Variants in POC5 observed in about 807,000 individuals in gnomAD.
POC5 encodes the protein POC5 centriolar protein, also known as centrosomal protein POC5.
A neutral mutation model predicts 62.9 loss-of-function variants in POC5; 48 were observed. That is an observed-to-expected ratio of 0.76 (90% CI 0.61 to 0.97). POC5 has a LOEUF of 0.97. POC5 is among the 50% of genes least tolerant of loss of function. The pLI is 0.00. For missense variants in POC5, 696 were observed against 679.5 expected (o/e 1.02, Z -0.27); for synonymous variants, 236 against 228.2 (o/e 1.03, Z -0.31).
intron 5 of POC5, 79 bp from the exon 6 acceptor site, chr5:75,694,910 A>G (rs561955172): frequency 7.7e-6 from 8 of 1,041,348 alleles, no homozygotes; most frequent in East Asian, 7.6e-5. Flanking sequence ...ATAAAGAAAC[A>G]TTAAAAAAAT....
chr5:75,716,814 G>A (rs1742606620), intron 1 of POC5, among the ~76,000 whole-genome samples: 1 of 152,212 alleles, frequency 6.6e-6, no homozygotes, highest in African/African-American at 2.4e-5. Context: ...AAGAGGCAAA[G>A]GAAGAGCGAA....
intron 1 of POC5, among the ~76,000 whole-genome samples, chr5:75,715,040 C>T (rs890982575): frequency 3.3e-5 from 5 of 151,886 alleles, no homozygotes; most frequent in African/African-American, 9.7e-5. Flanking sequence ...AGGCCGGGCA[C>T]GGTGGCTCAT....
chr5:75,704,452 G>A (rs1777040331), intron 4 of POC5, among the ~76,000 whole-genome samples: 1 of 152,126 alleles, frequency 6.6e-6, no homozygotes, highest in Admixed American at 6.5e-5. Context: ...TCCCTAACAT[G>A]TGTGTTTGGT....
intron 3 of POC5, chr5:75,707,440 G>A (rs1777170101): frequency 9.1e-6 from 2 of 219,458 alleles, no homozygotes; most frequent in Non-Finnish European, 1.8e-5. Context: ...TAAAACTGTT[G>A]GAACAAGTAC....
At chr5:75,692,248 C>T in intron 7 of POC5, 148 bp downstream of exon 7, 1 of 449,238 alleles carries the variant, frequency 2.2e-6, no homozygotes, top group Non-Finnish European at 3.8e-6. Context: ...TTCCAAACTA[C>T]ATCAAAATCA....
In POC5 at chr5:75,701,400, A is replaced by G. The variant is rs1179732893; in HGVS notation, c.513+1205T>C. Among the ~76,000 whole-genome samples, 164 of 132,218 alleles carry G rather than the reference A, an allele frequency of 1.2e-3. 6 individuals are homozygous for G. Among genetic ancestry groups the G allele is most frequent in the African/African-American group, 4.0e-3 (152 of 37,536 alleles). 86.7% of individuals were successfully genotyped at this position (132,218 alleles called of 152,430 possible). A position where few individuals can be genotyped will look rare whatever the true frequency, so the allele number is the denominator to read the frequency against. On this transcript the variant is annotated intron_variant, in intron 5 of 11. Coordinates refer to ENST00000428202, the MANE Select transcript of POC5 (RefSeq NM_001099271.2). ...GAATACTATGCAGCCATAAAAAATG[A>G]TGAGTTCATGTCCTTTGTAGGGACA...
chr5:75,696,392 G>A (rs1776588776), intron 5 of POC5, among the ~76,000 whole-genome samples: 1 of 152,194 alleles, frequency 6.6e-6, no homozygotes, highest in South Asian at 2.1e-4. Context: ...CCTCAAGTGG[G>A]TCCCTGACCC....
chr5:75,716,021 CA>C (rs780456243), intron 1 of POC5, among the ~76,000 whole-genome samples: 91 of 151,892 alleles, frequency 6.0e-4, no homozygotes, highest in Non-Finnish European at 1.0e-3. Flanking sequence ...GAAAGTAAAA[CA>C]ATTACAGGTC....
At chr5:75,703,316 C>G (rs557612803) in intron 4 of POC5, among the ~76,000 whole-genome samples, 2 of 152,260 alleles carry the variant, frequency 1.3e-5, no homozygotes, top group African/African-American at 2.4e-5. Context: ...AAGTTTAACA[C>G]TGGGATTGGT....
chr5:75,700,995 A>G, intron 5 of POC5, among the ~76,000 whole-genome samples: 1 of 129,524 alleles, frequency 7.7e-6, no homozygotes, highest in African/African-American at 2.7e-5. Context: ...GCCATCAGAG[A>G]AATGCAAATC....
At chr5:75,679,894 CAGA>C (rs1775808128) in intron 10 of POC5, among the ~76,000 whole-genome samples, 2 of 151,974 alleles carry the variant, frequency 1.3e-5, no homozygotes, top group African/African-American at 4.8e-5. Flanking sequence ...AAAATGGAAA[CAGA>C]AGAAACAGCT....
At chr5:75,678,438 G>T (rs886131263) in intron 10 of POC5, among the ~76,000 whole-genome samples, 1 of 151,884 alleles carries the variant, frequency 6.6e-6, no homozygotes, top group African/African-American at 2.4e-5. Flanking sequence ...GATCTCCCTC[G>T]TGCCACCCTT....
chr5:75,683,132 G>C (rs1775934324), intron 10 of POC5, among the ~76,000 whole-genome samples: 1 of 152,084 alleles, frequency 6.6e-6, no homozygotes, highest in Non-Finnish European at 1.5e-5. Flanking sequence ...TTAGGAGTTG[G>C]GGAGAAGAGG....
Position 75,692,466 on chromosome 5 carries a change from T to C in POC5, c.725A>G (p.Gln242Arg), listed in dbSNP as rs1347798471. Residue 242 changes from glutamine (Q) to arginine (R), a missense_variant, in exon 7 of 12, where the codon CAA (glutamine) becomes CGA (arginine). Physicochemically the swap from Gln to Arg is conservative, Grantham distance 43 (BLOSUM62 1). Coordinates refer to ENST00000428202, the MANE Select transcript of POC5 (RefSeq NM_001099271.2). ...ISSLSHAIGK[Q>R]KEKIELMRTF... Reference sequence around the variant, plus strand: ...TCTCATCAACTCTATCTTTTCCTTTTGCTTGCCTATGGCATGAGACAAGCT... The same window carrying C: ...TCTCATCAACTCTATCTTTTCCTTTCGCTTGCCTATGGCATGAGACAAGCT... 1.9e-6 allele frequency: 3 copies of C among 1,605,802 alleles called. No individual in the cohort carries two copies. The highest frequency in any genetic ancestry group is 3.4e-5 in the Admixed American group (2 of 58,994).
intron 5 of POC5, 39 bp from the exon 6 acceptor site, chr5:75,694,870 G>A (rs778110473): frequency 5.5e-5 from 73 of 1,337,594 alleles, no homozygotes; most frequent in South Asian, 5.3e-4. Context: ...TAGTTTGTTC[G>A]TTAATATCAC....
At chr5:75,686,303 G>C (rs574383393) in intron 9 of POC5, among the ~76,000 whole-genome samples, 1 of 152,188 alleles carries the variant, frequency 6.6e-6, no homozygotes, top group South Asian at 2.1e-4. Flanking sequence ...TGAGGGTTTA[G>C]AAATTCAGTC....
At chr5:75,693,019 T>A (rs1580019320) in intron 6 of POC5, among the ~76,000 whole-genome samples, 1 of 134,678 alleles carries the variant, frequency 7.4e-6, no homozygotes, top group East Asian at 1.9e-4. Flanking sequence ...TATAGTTATA[T>A]ATATAACTAT....
Position 75,689,543 on chromosome 5 carries a change from C to A in POC5, c.976-378G>T, listed in dbSNP as rs377351084. ...TTTCAGAAAAAAATAAAATAAACTA[C>A]ATGCCTGCAATATTAACAGAATTTT... On this transcript the variant is annotated intron_variant, in intron 8 of 11. Transcript: ENST00000428202. 1.6e-5 allele frequency: 13 copies of A among 824,978 alleles called. No individual in the cohort carries two copies. The South Asian group carries it at 1.7e-4, about 11-fold the overall frequency. The allele number at this position is 824,978 out of a possible 1,614,324, so 51.1% of individuals were successfully genotyped here. A position where few individuals can be genotyped will look rare whatever the true frequency, so the allele number is the denominator to read the frequency against.
At chr5:75,689,977 C>T (rs577780152) in intron 8 of POC5, among the ~76,000 whole-genome samples, 1 of 152,180 alleles carries the variant, frequency 6.6e-6, no homozygotes, top group East Asian at 1.9e-4. Flanking sequence ...CTTCTGCCTC[C>T]CAGGTTCAAA....
Sources: allele counts gnomAD v4.1 joint callset (sites outside exome capture counted in the v4.1 genomes callset), GRCh38; gene constraint gnomAD v4.1.1; transcripts MANE v1.5; gene names NCBI Gene and HGNC (gene_info 2026-07-23, HGNC 2026-07-21).